Variants in NR2E3 observed in about 807,000 individuals in gnomAD.
NR2E3 encodes the protein photoreceptor-specific nuclear receptor.
Under a neutral mutation model 37.6 loss-of-function variants are expected in NR2E3, and 38 were observed. The observed-to-expected ratio is 1.01, with a 90% CI of 0.78 to 1.33. The LOEUF is 1.33. Ranked by LOEUF, NR2E3 falls within the 40% of genes most tolerant of loss-of-function variation. NR2E3 has a pLI of 0.00. For missense variants in NR2E3, 562 were observed against 558.7 expected, an observed-to-expected ratio of 1.01 and a Z score of -0.06; for synonymous variants, 235 against 225.1, an observed-to-expected ratio of 1.04 and a Z score of -0.39.
chr15:71,815,611 A>C (rs1434710229), intron 7 of NR2E3, among the ~76,000 whole-genome samples: 17 of 152,194 alleles, frequency 1.1e-4, no homozygotes, highest in Non-Finnish European at 7.3e-5. Flanking sequence ...TTCATTGCCT[A>C]CTACAAGGGA....
At position 71,811,222 on chromosome 15, in the gene NR2E3, G is replaced by A. The variant is rs1255273754; in HGVS notation, c.119-261G>A. Among the ~76,000 whole-genome samples, 1 of 151,988 alleles carries A rather than the reference G, an allele frequency of 6.6e-6. No homozygotes were observed. The highest frequency in any genetic ancestry group is 1.5e-5 in the Non-Finnish European group (1 of 67,982). On this transcript the variant is annotated intron_variant, in intron 1 of 7. Coordinates refer to ENST00000617575, the MANE Select transcript of NR2E3 (RefSeq NM_014249.4). The surrounding 1 kb of genome is among the most constrained non-coding windows in gnomAD (Gnocchi z 5.6). ...CCCACAGAGAAGGGATGGGAGCTGG[G>A]AAAGTGGAGCTAGGGCTCGGACTCT...
rs375133059 is a variant in NR2E3 at position 71,812,409 on chromosome 15, C to A, written c.645C>A (p.Cys215Ter). 5 of 1,613,876 alleles carry A rather than the reference C, an allele frequency of 3.1e-6. No individual in the cohort carries two copies. The African/African-American group carries it at 4.0e-5, about 13-fold the overall frequency. Reference sequence around the variant, plus strand: ...CTCCATACTCCTCTTCCTCCCCCTGCGGCCTGGACAGCATCCATGAGACCT... The same window carrying A: ...CTCCATACTCCTCTTCCTCCCCCTGAGGCCTGGACAGCATCCATGAGACCT... ...PSSPYSSSSPCGLDSIHETSA... is the reference protein window; with the variant it reads ...PSSPYSSSSP Residue 215 changes from cysteine to a stop codon, truncating the protein, a stop_gained, in exon 5 of 8, where the codon TGC becomes TGA. Transcript: ENST00000617575. LOFTEE classifies it high-confidence loss of function.
chr15:71,813,673 T>C lies in NR2E3; in HGVS notation c.994+38T>C, dbSNP rs1411361337. 3 of 1,610,602 alleles carry C rather than the reference T, an allele frequency of 1.9e-6. No homozygotes were observed. The East Asian group carries it at 6.7e-5, about 36-fold the overall frequency. On this transcript the variant is annotated intron_variant, in intron 6 of 7. Transcript: ENST00000617575. The surrounding 1 kb of genome is among the most constrained non-coding windows in gnomAD (Gnocchi z 4.7). ...CTGCCCAAACCTTGAGTGGGAATTC[T>C]GGTGACTTCCATCTGCCTCTCACTC...
intron 7 of NR2E3, chr15:71,815,013 G>T (rs376499007): frequency 6.6e-6 from 4 of 606,248 alleles, no homozygotes; most frequent in Non-Finnish European, 8.3e-6. Flanking sequence ...TTTTGTAGGT[G>T]CACTGAGCAT....
chr15:71,812,256 C>T, intron 4 of NR2E3, 80 bp downstream of exon 4: 1 of 1,609,460 alleles, frequency 6.2e-7, no homozygotes, highest in Non-Finnish European at 8.5e-7. Flanking sequence ...TGCCTTGATC[C>T]TCCCTCCCCC....
Position 71,811,951 on chromosome 15 carries a change from C to T in NR2E3, c.350-4C>T. On this transcript the variant is annotated splice_region_variant and splice_polypyrimidine_tract_variant and intron_variant, in intron 3 of 7. Transcript: ENST00000617575. The surrounding 1 kb of genome is among the most constrained non-coding windows in gnomAD (Gnocchi z 5.6). ...TGTCGTCCTGACCCTTCCTGCCTCC[C>T]CAGCCGTGCAGAACGAGCGCCAGCC... The T allele has an allele frequency of 6.5e-7, 1 of 1,549,736 alleles. No individual in the cohort carries two copies. The highest frequency in any genetic ancestry group is 1.2e-5 in the South Asian group (1 of 84,036).
chr15:71,817,447 A>G, intron 7 of NR2E3, 105 bp from the exon 8 acceptor site: 2 of 1,423,302 alleles, frequency 1.4e-6, no homozygotes, highest in Non-Finnish European at 1.9e-6. Flanking sequence ...TGGGGACCTC[A>G]TCTCTCCTCT....
chr15:71,811,564 G>A lies in NR2E3; in HGVS notation c.200G>A (p.Cys67Tyr), dbSNP rs769900190. 1.9e-6 allele frequency: 3 copies of A among 1,602,852 alleles called. No homozygotes were observed. Among genetic ancestry groups the A allele is most frequent in the Non-Finnish European group, 2.6e-6 (3 of 1,175,298 alleles). Reference protein sequence around the residue: ...KHYGIYACNGCSGFFKRSVRR... With the variant: ...KHYGIYACNGYSGFFKRSVRR... ...TATGGCATCTATGCCTGCAACGGCT[G>A]CAGCGGCTTCTTCAAGAGGAGCGTA... The change falls in exon 2 of 8, where the codon TGC (cysteine) becomes TAC (tyrosine). Residue 67 changes from cysteine to tyrosine, a missense_variant. By Grantham distance (194) the Cys-to-Tyr change is radical (BLOSUM62 -2). Coordinates refer to ENST00000617575, the MANE Select transcript of NR2E3 (RefSeq NM_014249.4). This position sits in a 1 kb window ranked among gnomAD's most constrained non-coding sequence, Gnocchi z 5.6.
chr15:71,813,342 A>G lies in NR2E3; in HGVS notation c.748-47A>G. ...GGTGGCAGAGGCTCCAGACTGAGCC[A>G]GAGAAGCTGTGTGTCTGCCATAACA... On this transcript the variant is annotated intron_variant, in intron 5 of 7. Transcript: ENST00000617575. The surrounding 1 kb of genome is among the most constrained non-coding windows in gnomAD (Gnocchi z 4.7). 6.3e-7 allele frequency: 1 copy of G among 1,593,524 alleles called. No homozygotes were observed.
intron 7 of NR2E3, chr15:71,814,657 G>A: frequency 1.0e-6 from 1 of 978,166 alleles, no homozygotes; most frequent in Non-Finnish European, 1.2e-6. Context: ...CCAGCCAAAG[G>A]CCACGTCTGA....
rs538066285 is a variant in NR2E3 at position 71,817,805 on chromosome 15, C to G, written c.*121C>G. 9 of 799,876 alleles carry G rather than the reference C, an allele frequency of 1.1e-5. No individual in the cohort carries two copies. The South Asian group carries it at 2.3e-4, about 21-fold the overall frequency. The allele number at this position is 799,876 out of a possible 1,614,324, so 49.5% of individuals were successfully genotyped here. A position where few individuals can be genotyped will look rare whatever the true frequency, so the allele number is the denominator to read the frequency against. ...GTGTGTACCCAGCAGAAATGCCCAC[C>G]GAAAGATATTGTAAGAATATTCATA... On this transcript the variant is annotated 3_prime_UTR_variant, in exon 8 of 8. Coordinates refer to ENST00000617575, the MANE Select transcript of NR2E3 (RefSeq NM_014249.4).
Position 71,817,534 on chromosome 15 carries a change from G to C in NR2E3, c.1101-18G>C, listed in dbSNP as rs766821944. On this transcript the variant is annotated intron_variant, in intron 7 of 7. Coordinates refer to ENST00000617575, the MANE Select transcript of NR2E3 (RefSeq NM_014249.4). ...AGAAGCTGGTCGTAAAACTGATGGC[G>C]TCCTCTCTCCTGTTCAGGTTTGGGA... The C allele has an allele frequency of 1.3e-6, 2 of 1,570,442 alleles. No homozygotes were observed. The highest frequency in any genetic ancestry group is 1.7e-6 in the Non-Finnish European group (2 of 1,147,020).
rs1475209599 is a variant in NR2E3 at position 71,811,266 on chromosome 15, G to A, written c.119-217G>A. Among the ~76,000 whole-genome samples the A allele has an allele frequency of 6.6e-6, 1 of 151,940 alleles. No individual in the cohort carries two copies. The highest frequency in any genetic ancestry group is 2.4e-5 in the African/African-American group (1 of 41,342). On this transcript the variant is annotated intron_variant, in intron 1 of 7. Transcript: ENST00000617575. This position sits in a 1 kb window ranked among gnomAD's most constrained non-coding sequence, Gnocchi z 5.6. ...GGACTCTTGCTGAAAATTGGCCATT[G>A]AGGGAGGAGAGAGGGCAAGGAATGG...
rs1478463439 is a variant in NR2E3 at position 71,813,477 on chromosome 15, C to T, written c.836C>T (p.Ala279Val). Residue 279 changes from alanine to valine, a missense_variant, in exon 6 of 8, where the codon GCA becomes GTA. By Grantham distance (64) the Ala-to-Val change is moderately conservative. Transcript: ENST00000617575. This position sits in a 1 kb window ranked among gnomAD's most constrained non-coding sequence, Gnocchi z 4.7. ...CCTCTGGACAGCTGTCCTCTGCTGG[C>T]ACCGCCCGAGGCCTCTGCTGCCGGT... ...SLPLDSCPLL[A>V]PPEASAAGGA... The T allele has an allele frequency of 3.1e-6, 5 of 1,610,334 alleles. 1 individual carries two copies. In the Admixed American group the frequency reaches 6.7e-5, roughly 22 times the overall value.
chr15:71,817,732 T>C lies in NR2E3; in HGVS notation c.*48T>C. ...CCAAGCACTCTGGAAAACAATCTACTGAAACGAAACATTTGCCTACTCTTT... is the reference window on the plus strand; with the variant it reads ...CCAAGCACTCTGGAAAACAATCTACCGAAACGAAACATTTGCCTACTCTTT... On this transcript the variant is annotated 3_prime_UTR_variant, in exon 8 of 8. Transcript: ENST00000617575. The C allele has an allele frequency of 1.3e-6, 2 of 1,537,424 alleles. No homozygotes were observed. Among genetic ancestry groups the C allele is most frequent in the South Asian group, 1.2e-5 (1 of 85,636 alleles).
rs538864090 is a variant in NR2E3 at position 71,811,618 on chromosome 15, G to T, written c.245+9G>T. ...CGGAGGCTCATCTACAGGTGAGTGC[G>T]GTGGGCCCTGCTGGGCGTCTGCCCC... On this transcript the variant is annotated intron_variant, in intron 2 of 7. Coordinates refer to ENST00000617575, the MANE Select transcript of NR2E3 (RefSeq NM_014249.4). This position sits in a 1 kb window ranked among gnomAD's most constrained non-coding sequence, Gnocchi z 5.6. 2 of 1,602,208 alleles carry T rather than the reference G, an allele frequency of 1.2e-6. No individual in the cohort carries two copies.
At chr15:71,812,276 A>C in intron 4 of NR2E3, 60 bp from the exon 5 acceptor site, 1 of 1,612,380 alleles carries the variant, frequency 6.2e-7, no homozygotes. Context: ...CGGGGCTCCA[A>C]GTACTCCCTG....
Position 71,812,107 on chromosome 15 carries a change from G to A in NR2E3, c.502G>A (p.Ala168Thr). Residue 168 changes from alanine to threonine, a missense_variant, in exon 4 of 8, where the codon GCC (alanine) becomes ACC (threonine). By Grantham distance (58) the Ala-to-Thr change is moderately conservative. Coordinates refer to ENST00000617575, the MANE Select transcript of NR2E3 (RefSeq NM_014249.4). ...CCCCACACCCATGTCTGCAGCCAGA[G>A]CCCTGGGCCACCACTTCATGGCCAG... is the stretch of plus-strand genomic sequence containing the variant. ...RGPTPMSAAR[A>T]LGHHFMASLI... is the part of the protein sequence containing the mutation. The A allele has an allele frequency of 6.4e-7, 1 of 1,556,650 alleles. No individual in the cohort carries two copies.
At position 71,811,432 on chromosome 15, in the gene NR2E3, C is replaced by A. The variant is rs556957644; in HGVS notation, c.119-51C>A. ...CGAGGGAAGGAGGGGAGCGTGCAGC[C>A]CTGCCCCGGCCCAGCCCTGCCCTGG... On this transcript the variant is annotated intron_variant, in intron 1 of 7. Coordinates refer to ENST00000617575, the MANE Select transcript of NR2E3 (RefSeq NM_014249.4). This position sits in a 1 kb window ranked among gnomAD's most constrained non-coding sequence, Gnocchi z 5.6. 4.2e-5 allele frequency: 63 copies of A among 1,514,564 alleles called. No homozygotes were observed. In the African/African-American group the frequency reaches 8.6e-4, roughly 21 times the overall value. The allele number at this position is 1,514,564 out of a possible 1,614,324, so 93.8% of individuals were successfully genotyped here. A position where few individuals can be genotyped will look rare whatever the true frequency, so the allele number is the denominator to read the frequency against.
Sources: allele counts gnomAD v4.1 joint callset (sites outside exome capture counted in the v4.1 genomes callset), GRCh38; gene constraint gnomAD v4.1.1; non-coding constraint Gnocchi (gnomAD v3.1); transcripts MANE v1.5; gene names NCBI Gene and HGNC (gene_info 2026-07-23, HGNC 2026-07-21).